HCK: variants seen among roughly 807,000 people sequenced by gnomAD.
HCK encodes HCK proto-oncogene, Src family tyrosine kinase, also known as tyrosine-protein kinase HCK.
In HCK, 40 loss-of-function variants were observed where a neutral mutation model predicts 70.4. The observed-to-expected ratio is 0.57, with a 90% confidence interval of 0.44 to 0.74. The LOEUF is 0.74. HCK is among the 30% of genes least tolerant of loss of function. HCK has a pLI of 0.00. For missense variants in HCK, 568 were observed against 697.2 expected, an observed-to-expected ratio of 0.81 and a Z score of 2.09; for synonymous variants, 245 against 263.2, an observed-to-expected ratio of 0.93 and a Z score of 0.67.
intron 12 of HCK, 103 bp downstream of exon 12, chr20:32,099,238 C>A: frequency 8.1e-7 from 1 of 1,232,658 alleles, no homozygotes; most frequent in Admixed American, 2.0e-5. Context: ...ATCCTCACCC[C>A]CAACCTTCCC....
At chr20:32,100,081 A>AT (rs1165776387) in intron 12 of HCK, among the ~76,000 whole-genome samples, 4 of 151,344 alleles carry the variant, frequency 2.6e-5, no homozygotes, top group African/African-American at 9.7e-5. Context: ...TATTTTTTTA[A>AT]TTTTTTTGTA....
intron 1 of HCK, among the ~76,000 whole-genome samples, chr20:32,066,136 A>G (rs970209926): frequency 6.6e-6 from 1 of 151,916 alleles, no homozygotes; most frequent in Non-Finnish European, 1.5e-5. Flanking sequence ...CCTGGGCTAC[A>G]TAAACCTCTT....
chr20:32,055,927 A>G (rs193290576), intron 1 of HCK, among the ~76,000 whole-genome samples: 1 of 152,332 alleles, frequency 6.6e-6, no homozygotes, highest in Non-Finnish European at 1.5e-5. Flanking sequence ...ATACTATGTG[A>G]CTTTCTGTGT....
rs142016443 is a variant in HCK at position 32,073,188 on chromosome 20, G to A, written c.184-131G>A. ...TGTGGTGCCAGGCATGTCCCCTGCC[G>A]TATGTGGGCCTCCTCCCACGACATG... On this transcript the variant is annotated intron_variant, in intron 2 of 12. Coordinates refer to ENST00000375852, the MANE Select transcript of HCK (RefSeq NM_002110.5). The A allele has an allele frequency of 4.0e-3, 2,876 of 724,392 alleles. 16 individuals are homozygous for A. Among genetic ancestry groups the A allele is most frequent in the Middle Eastern group, 0.015 (45 of 2,942 alleles). The allele number at this position is 724,392 out of a possible 1,614,324, so 44.9% of individuals were successfully genotyped here. A position where few individuals can be genotyped will look rare whatever the true frequency, so the allele number is the denominator to read the frequency against.
At chr20:32,097,376 G>A (rs538384514) in intron 11 of HCK, among the ~76,000 whole-genome samples, 4 of 152,054 alleles carry the variant, frequency 2.6e-5, no homozygotes, top group South Asian at 2.1e-4. Context: ...TCAGGAGATC[G>A]AGACCATCCT....
At chr20:32,083,858 A>G in intron 6 of HCK, 36 bp from the exon 7 acceptor site, 1 of 1,613,366 alleles carries the variant, frequency 6.2e-7, no homozygotes, top group Non-Finnish European at 8.5e-7. Context: ...GGCCTCCAAG[A>G]TGCCATTCTG....
At chr20:32,062,964 G>T (rs776554447) in intron 1 of HCK, among the ~76,000 whole-genome samples, 2 of 152,086 alleles carry the variant, frequency 1.3e-5, no homozygotes. Flanking sequence ...GGCCCCCAGC[G>T]GTCTGCCTTC....
At position 32,052,356 on chromosome 20, in the gene HCK, G is replaced by GC; in HGVS notation, c.-64dup. 1 of 1,143,310 alleles carries GC rather than the reference G, an allele frequency of 8.7e-7. No homozygotes were observed. Among genetic ancestry groups the GC allele is most frequent in the South Asian group, 3.3e-5 (1 of 30,294 alleles). The allele number at this position is 1,143,310 out of a possible 1,614,324, so 70.8% of individuals were successfully genotyped here. On this transcript the variant is annotated 5_prime_UTR_variant, in exon 1 of 13. Transcript: ENST00000375852. The stretch of plus-strand genomic sequence containing the variant: ...CGGCACCAAAGCCCCTCAGAGCGTC[G>GC]CCCCCGCCTCTAGTTCTAGAAAGTC...
intron 8 of HCK, among the ~76,000 whole-genome samples, chr20:32,085,328 T>C (rs1305806109): frequency 1.3e-5 from 2 of 151,904 alleles, no homozygotes; most frequent in East Asian, 3.9e-4. Flanking sequence ...ACCTGGATAG[T>C]ATAGTGAAAT....
intron 4 of HCK, among the ~76,000 whole-genome samples, chr20:32,074,422 C>T (rs932142466): frequency 1.3e-5 from 2 of 152,134 alleles, no homozygotes; most frequent in Non-Finnish European, 2.9e-5. Flanking sequence ...ATTCCAGACC[C>T]TCAGATGCAC....
chr20:32,074,319 C>T (rs544224815), intron 4 of HCK, among the ~76,000 whole-genome samples: 6 of 152,272 alleles, frequency 3.9e-5, no homozygotes, highest in Admixed American at 2.0e-4. Context: ...GGCACAGGAC[C>T]CTGCCATGGG....
rs1481564770 is a variant in HCK at position 32,101,573 on chromosome 20, C to T, written c.*54C>T. ...TGCCCAGGTGGTGGCTGCAAGGTGG[C>T]TCCAGCACCATCCGCCAGGGCCCAC... On this transcript the variant is annotated 3_prime_UTR_variant, in exon 13 of 13. Coordinates refer to ENST00000375852, the MANE Select transcript of HCK (RefSeq NM_002110.5). 27 of 1,476,122 alleles carry T rather than the reference C, an allele frequency of 1.8e-5. No individual in the cohort carries two copies. The East Asian group carries it at 2.6e-4, about 14-fold the overall frequency. 91.4% of individuals were successfully genotyped at this position (1,476,122 alleles called of 1,614,324 possible). A position where few individuals can be genotyped will look rare whatever the true frequency, so the allele number is the denominator to read the frequency against.
At chr20:32,089,582 A>G (rs962521479) in intron 10 of HCK, among the ~76,000 whole-genome samples, 3 of 152,214 alleles carry the variant, frequency 2.0e-5, no homozygotes, top group African/African-American at 7.2e-5. Context: ...AAAGTAAATA[A>G]TGTTCACAAA....
Position 32,088,611 on chromosome 20 carries a change from G to C in HCK, c.1059G>C (p.Gln353His). ...TGAAAAGTGATGAGGGCAGCAAGCA[G>C]CCATTGCCAAAACTCATTGACTTCT... Residue 353 changes from glutamine to histidine, a missense_variant, in exon 10 of 13, where the codon CAG becomes CAC. Gln to His is a conservative substitution (Grantham distance 24). This residue lies in a region of HCK where 160 missense variants were observed against 237.5 expected (regional missense o/e 0.67). Transcript: ENST00000375852. The C allele has an allele frequency of 1.2e-6, 2 of 1,614,094 alleles. No individual in the cohort carries two copies. Among genetic ancestry groups the C allele is most frequent in the Non-Finnish European group, 1.7e-6 (2 of 1,179,998 alleles).
intron 1 of HCK, among the ~76,000 whole-genome samples, chr20:32,058,613 C>CACACACACAT (rs984572258): frequency 2.0e-5 from 3 of 150,204 alleles, no homozygotes; most frequent in Admixed American, 6.6e-5. Flanking sequence ...AAAACACACA[C>CACACACACAT]ACACACACAC....
chr20:32,059,307 C>CCTTT (rs1411977018), intron 1 of HCK, among the ~76,000 whole-genome samples: 2 of 151,152 alleles, frequency 1.3e-5, no homozygotes. Flanking sequence ...CTCCCTCCCT[C>CCTTT]CTTTCTTTTC....
intron 10 of HCK, among the ~76,000 whole-genome samples, chr20:32,091,334 G>A (rs2122605155): frequency 6.6e-6 from 1 of 152,326 alleles, no homozygotes; most frequent in Non-Finnish European, 1.5e-5. Context: ...CGCTTTTGGA[G>A]CTCCAGCCCT....
intron 10 of HCK, among the ~76,000 whole-genome samples, chr20:32,090,533 T>C (rs974014368): frequency 1.3e-5 from 2 of 152,156 alleles, no homozygotes; most frequent in Non-Finnish European, 2.9e-5. Context: ...GTGGGGGGCT[T>C]ATCTGTGGCC....
At chr20:32,094,114 C>G in intron 11 of HCK, 98 bp downstream of exon 11, 1 of 1,159,202 alleles carries the variant, frequency 8.6e-7, no homozygotes, top group Non-Finnish European at 1.2e-6. Flanking sequence ...ATGCAAGGGA[C>G]TGCCCCAGTA....
Sources: gnomAD v4.1 joint callset for allele counts (sites outside exome capture counted in the v4.1 genomes callset) on GRCh38, gnomAD v4.1.1 for gene constraint, gnomAD v4.1.1 regional missense constraint, MANE v1.5 for transcripts, NCBI Gene and HGNC (gene_info 2026-07-23, HGNC 2026-07-21) for gene names.